Variants in SNTG2 observed in about 807,000 individuals in gnomAD.
The protein encoded by SNTG2 is gamma-2-syntrophin.
Under a neutral mutation model 70.9 loss-of-function variants are expected in SNTG2, and 74 were observed. That is an observed-to-expected ratio of 1.04 (90% CI 0.86 to 1.27). The LOEUF (loss-of-function observed/expected upper bound fraction) is 1.27. Ranked by LOEUF, SNTG2 falls within the 50% of genes most tolerant of loss-of-function variation. SNTG2 has a pLI of 0.00. For missense variants in SNTG2, 717 were observed against 690.7 expected (o/e 1.04, Z -0.43); for synonymous variants, 278 against 273.8 (o/e 1.02, Z -0.15).
chr2:1,226,766 C>T (rs544571594), intron 9 of SNTG2, among the ~76,000 whole-genome samples: 20 of 152,294 alleles, frequency 1.3e-4, no homozygotes, highest in African/African-American at 4.6e-4. Context: ...GGACTTAGTC[C>T]CAGTAAATTT....
chr2:1,348,129 T>C (rs576830236), intron 16 of SNTG2, among the ~76,000 whole-genome samples: 22 of 152,326 alleles, frequency 1.4e-4, no homozygotes, highest in African/African-American at 5.3e-4. Context: ...TAGGTTGACA[T>C]TCCTATGGCA....
At chr2:1,024,854 G>A (rs538928918) in intron 1 of SNTG2, among the ~76,000 whole-genome samples, 1 of 152,254 alleles carries the variant, frequency 6.6e-6, no homozygotes, top group South Asian at 2.1e-4. Flanking sequence ...GGTCCACATT[G>A]TGTACTCTAC....
chr2:1,330,950 C>T (rs549612792), intron 16 of SNTG2, among the ~76,000 whole-genome samples: 6 of 152,318 alleles, frequency 3.9e-5, no homozygotes, highest in African/African-American at 1.4e-4. Context: ...CTCAGGTTGT[C>T]ACCAGTGAGT....
chr2:996,720 T>C (rs1381723787), intron 1 of SNTG2, among the ~76,000 whole-genome samples: 2 of 125,144 alleles, frequency 1.6e-5, no homozygotes, highest in African/African-American at 2.9e-5. Flanking sequence ...CACTAGGTAT[T>C]GATGAAAGCA....
intron 12 of SNTG2, among the ~76,000 whole-genome samples, chr2:1,251,646 C>A (rs202126407): frequency 6.8e-6 from 1 of 146,444 alleles, no homozygotes; most frequent in Non-Finnish European, 1.5e-5. Flanking sequence ...CACACAAACC[C>A]CACACACACC....
intron 1 of SNTG2, among the ~76,000 whole-genome samples, chr2:1,063,914 T>C (rs1165995461): frequency 3.3e-5 from 5 of 152,186 alleles, no homozygotes; most frequent in African/African-American, 9.7e-5. Flanking sequence ...GTGAGAGTTA[T>C]CAGTACATGT....
rs1381008124 is a variant in SNTG2 at position 1,255,818 on chromosome 2, A to ATG, written c.1006-3550_1006-3549dup. 1.8e-4 allele frequency among the ~76,000 whole-genome samples: 20 copies of ATG among 110,352 alleles called. No individual in the cohort carries two copies. The South Asian group carries it at 5.6e-3, about 31-fold the overall frequency. 72.4% of individuals were successfully genotyped at this position (110,352 alleles called of 152,430 possible). A position where few individuals can be genotyped will look rare whatever the true frequency, so the allele number is the denominator to read the frequency against. On this transcript the variant is annotated intron_variant, in intron 12 of 16. Coordinates refer to ENST00000308624, the MANE Select transcript of SNTG2 (RefSeq NM_018968.4). ...TATATATATATATACACAAAGTTGTATGTATATATATATAAATATATATAA... is the reference window on the plus strand; with the variant it reads ...TATATATATATATACACAAAGTTGTATGTGTATATATATATAAATATATATAA...
chr2:1,244,052 T>TG (rs1677234061), intron 11 of SNTG2, among the ~76,000 whole-genome samples: 1 of 152,128 alleles, frequency 6.6e-6, no homozygotes, highest in East Asian at 1.9e-4. Flanking sequence ...TGGGGGTGGC[T>TG]GGGGAAGTGG....
chr2:1,120,979 C>T (rs112875424), intron 4 of SNTG2, among the ~76,000 whole-genome samples: 2,065 of 151,850 alleles, frequency 0.014, 38 homozygotes, highest in African/African-American at 0.044. Context: ...ACATGGAACA[C>T]ACACATGGAT....
intron 8 of SNTG2, among the ~76,000 whole-genome samples, chr2:1,199,847 T>C (rs990927498): frequency 6.6e-6 from 1 of 151,940 alleles, no homozygotes; most frequent in African/African-American, 2.4e-5. Context: ...TACAAAACAT[T>C]GTTGAAAGAA....
At chr2:1,317,539 C>G in intron 16 of SNTG2, among the ~76,000 whole-genome samples, 1 of 94,498 alleles carries the variant, frequency 1.1e-5, no homozygotes. Flanking sequence ...TAGCATCAGG[C>G]CAGCATTGGA....
chr2:1,047,396 T>G (rs1236213480), intron 1 of SNTG2, among the ~76,000 whole-genome samples: 1 of 152,190 alleles, frequency 6.6e-6, no homozygotes, highest in Non-Finnish European at 1.5e-5. Flanking sequence ...GGGAACCTCA[T>G]GTGGGGCTTT....
chr2:962,400 A>G lies in SNTG2; in HGVS notation c.72+11332A>G, dbSNP rs113820826. ...AGATAAGTTTCGTACCATACAAGAA[A>G]GCATGAGTTTTGTGGTGACGGTTCT... On this transcript the variant is annotated intron_variant, in intron 1 of 16. Coordinates refer to ENST00000308624, the MANE Select transcript of SNTG2 (RefSeq NM_018968.4). Among the ~76,000 whole-genome samples the G allele has an allele frequency of 1.7e-3, 253 of 152,336 alleles. 1 individual carries two copies. The highest frequency in any genetic ancestry group is 5.2e-3 in the African/African-American group (218 of 41,580).
At chr2:1,194,875 CT>C (rs1159016099) in intron 8 of SNTG2, among the ~76,000 whole-genome samples, 1 of 152,160 alleles carries the variant, frequency 6.6e-6, no homozygotes, top group Non-Finnish European at 1.5e-5. Flanking sequence ...TATCCCTCCC[CT>C]AGTCCCCCAC....
intron 8 of SNTG2, among the ~76,000 whole-genome samples, chr2:1,174,493 A>G (rs1261237000): frequency 6.6e-6 from 1 of 152,030 alleles, no homozygotes; most frequent in Admixed American, 6.6e-5. Flanking sequence ...TTTCTAGTTT[A>G]TCATCATTAA....
intron 16 of SNTG2, among the ~76,000 whole-genome samples, chr2:1,331,560 CT>C (rs1296280446): frequency 6.6e-6 from 1 of 152,132 alleles, no homozygotes; most frequent in African/African-American, 2.4e-5. Flanking sequence ...TGAGACAAGC[CT>C]TATGAAGTTT....
At chr2:1,308,727 AC>A (rs1276877667) in intron 15 of SNTG2, 141 bp downstream of exon 15, 9 of 697,162 alleles carry the variant, frequency 1.3e-5, no homozygotes, top group African/African-American at 9.0e-5. Context: ...GCTTTCATAG[AC>A]TTTTTTTTCT....
chr2:1,050,564 A>G (rs1357014435), intron 1 of SNTG2, among the ~76,000 whole-genome samples: 2 of 152,134 alleles, frequency 1.3e-5, no homozygotes, highest in Non-Finnish European at 2.9e-5. Context: ...AATTGCTCTA[A>G]GTTTATAATA....
intron 2 of SNTG2, among the ~76,000 whole-genome samples, chr2:1,088,120 A>AATGACC (rs2148184480): frequency 6.6e-6 from 1 of 152,330 alleles, no homozygotes; most frequent in East Asian, 1.9e-4. Context: ...AAATTAGGCA[A>AATGACC]ATGACCAATT....
Sources: allele counts gnomAD v4.1 joint callset (sites outside exome capture counted in the v4.1 genomes callset), GRCh38; gene constraint gnomAD v4.1.1; transcripts MANE v1.5; gene names NCBI Gene and HGNC (gene_info 2026-07-23, HGNC 2026-07-21).